Variants in PCDHGB5 observed in about 807,000 individuals in gnomAD.
PCDHGB5 encodes protocadherin gamma-B5.
Under a neutral mutation model 62.9 loss-of-function variants are expected in PCDHGB5, and 48 were observed. That is an observed-to-expected ratio of 0.76 (90% CI 0.61 to 0.97). PCDHGB5 has a LOEUF of 0.97. PCDHGB5 is among the 50% of genes least tolerant of loss of function. The pLI, the probability that PCDHGB5 is intolerant of heterozygous loss-of-function variation, is 0.00. For missense variants in PCDHGB5, 1,118 were observed against 1,198.6 expected (o/e 0.93, Z 0.99); for synonymous variants, 474 against 511.2 (o/e 0.93, Z 0.98).
At chr5:141,466,528 T>C (rs1171715691) in intron 1 of PCDHGB5, among the ~76,000 whole-genome samples, 1 of 152,204 alleles carries the variant, frequency 6.6e-6, no homozygotes, top group African/African-American at 2.4e-5. Context: ...TCCTCCCAAA[T>C]TGATGTAGAT....
chr5:141,511,320 A>G lies in PCDHGB5; in HGVS notation c.*147A>G. ...CATGCTCCCCTTGGGAAACAGAAAC[A>G]AGTGCCCAGTCAGCACCTACCCCTT... On this transcript the variant is annotated 3_prime_UTR_variant, in exon 4 of 4. Transcript: ENST00000617380. 6.8e-7 allele frequency: 1 copy of G among 1,475,678 alleles called. No homozygotes were observed. The highest frequency in any genetic ancestry group is 1.4e-5 in the South Asian group (1 of 72,746). 91.4% of individuals were successfully genotyped at this position (1,475,678 alleles called of 1,614,324 possible).
intron 1 of PCDHGB5, among the ~76,000 whole-genome samples, chr5:141,452,375 G>A (rs1239059045): frequency 2.0e-5 from 3 of 152,194 alleles, no homozygotes; most frequent in African/African-American, 7.2e-5. Context: ...TTTTAGTAGG[G>A]AATAGTATTT....
At chr5:141,420,672 G>T (rs1478670282) in intron 1 of PCDHGB5, among the ~76,000 whole-genome samples, 1 of 152,296 alleles carries the variant, frequency 6.6e-6, no homozygotes, top group African/African-American at 2.4e-5. Flanking sequence ...CCTACCTGAT[G>T]ATTTTATCGG....
At chr5:141,428,792 T>A (rs1590880161) in intron 1 of PCDHGB5, 1 of 152,978 alleles carries the variant, frequency 6.5e-6, no homozygotes, top group Middle Eastern at 3.4e-3. Flanking sequence ...TTCCTTTCTG[T>A]GTGGGCCAGT....
chr5:141,409,803 C>T (rs779815582), intron 1 of PCDHGB5: 3 of 1,611,528 alleles, frequency 1.9e-6, no homozygotes, highest in African/African-American at 1.3e-5. Flanking sequence ...ACGCTGCAGG[C>T]CCGCGACCAC....
At chr5:141,462,062 A>T (rs957948334) in intron 1 of PCDHGB5, among the ~76,000 whole-genome samples, 3 of 152,168 alleles carry the variant, frequency 2.0e-5, no homozygotes, top group African/African-American at 2.4e-5. Context: ...ACCTCAGGTG[A>T]TCTGCCCGCC....
At chr5:141,452,760 G>C (rs920853226) in intron 1 of PCDHGB5, among the ~76,000 whole-genome samples, 1 of 152,120 alleles carries the variant, frequency 6.6e-6, no homozygotes, top group African/African-American at 2.4e-5. Context: ...AAGGAAGGGA[G>C]GGAGGGAAAA....
Position 141,410,620 on chromosome 5 carries a change from G to A in PCDHGB5, c.2397+10096G>A, listed in dbSNP as rs765125633. 4 of 1,603,524 alleles carry A rather than the reference G, an allele frequency of 2.5e-6. No homozygotes were observed. In the South Asian group the frequency reaches 3.3e-5, roughly 13 times the overall value. On this transcript the variant is annotated intron_variant, in intron 1 of 3. Coordinates refer to ENST00000617380, the MANE Select transcript of PCDHGB5 (RefSeq NM_018925.3). The stretch of plus-strand genomic sequence containing the variant: ...CTTCACATCCTGAGACTCTGACTTC[G>A]GTGAGTTTCTCTTTTTTGTGTGTGA...
intron 1 of PCDHGB5, among the ~76,000 whole-genome samples, chr5:141,444,257 C>T (rs376980362): frequency 1.2e-4 from 18 of 147,512 alleles, no homozygotes; most frequent in East Asian, 6.0e-4. Context: ...CTGCAACCTC[C>T]GCCTCCCAGG....
rs544678317 is a variant in PCDHGB5, at chr5:141,430,911, A to C, written c.2397+30387A>C. The C allele has an allele frequency of 1.9e-5, 31 of 1,607,958 alleles. No homozygotes were observed. The Admixed American group carries it at 2.2e-4, about 11-fold the overall frequency. ...TCTAGGGTGGGCGACATCTCCAGGG[A>C]CCTGGGGCTGGAGCCCCGGGAGCTC... On this transcript the variant is annotated intron_variant, in intron 1 of 3. Transcript: ENST00000617380.
intron 1 of PCDHGB5, among the ~76,000 whole-genome samples, chr5:141,442,726 C>A (rs1160438073): frequency 2.6e-5 from 4 of 152,060 alleles, no homozygotes; most frequent in Non-Finnish European, 5.9e-5. Context: ...GCATTTGGGG[C>A]CTGTAGGTAA....
intron 1 of PCDHGB5, chr5:141,410,911 T>C (rs927103159): frequency 2.6e-5 from 7 of 267,884 alleles, no homozygotes; most frequent in African/African-American, 7.8e-5. Flanking sequence ...TGGAGTGCAG[T>C]GGCGTGATCT....
chr5:141,409,990 C>A (rs377295503), intron 1 of PCDHGB5: 26 of 1,613,278 alleles, frequency 1.6e-5, no homozygotes, highest in Non-Finnish European at 2.2e-5. Flanking sequence ...CGGTGGACGC[C>A]GACTCGGGAC....
chr5:141,466,375 C>A (rs2099121518), intron 1 of PCDHGB5, among the ~76,000 whole-genome samples: 1 of 152,042 alleles, frequency 6.6e-6, no homozygotes, highest in Non-Finnish European at 1.5e-5. Context: ...GGTTTTGGCA[C>A]CCATCTAATG....
intron 3 of PCDHGB5, among the ~76,000 whole-genome samples, chr5:141,509,952 C>T (rs954730777): frequency 7.2e-5 from 11 of 152,186 alleles, no homozygotes; most frequent in African/African-American, 2.2e-4. Flanking sequence ...CAAATGCTAC[C>T]GGGTATGGCC....
rs572459159 is a variant in PCDHGB5, at chr5:141,400,231, G to T, written c.2104G>T (p.Ala702Ser). Residue 702 changes from alanine (A) to serine (S), a missense_variant, in exon 1 of 4, where the codon GCC (alanine) becomes TCC (serine). Physicochemically the swap from Ala to Ser is moderately conservative, Grantham distance 99. Around this residue, in one of 2 missense-constraint regions of PCDHGB5, gnomAD observed 1,034 missense variants for 1,029.1 expected, o/e 1.00. Coordinates refer to ENST00000617380, the MANE Select transcript of PCDHGB5 (RefSeq NM_018925.3). ...CTTGATCTCAGTGCTCTTCCTCCTGGCCGTGATTCTGGCCGTTGCCTTGCG... is the reference window on the plus strand; with the variant it reads ...CTTGATCTCAGTGCTCTTCCTCCTGTCCGTGATTCTGGCCGTTGCCTTGCG... The part of the protein sequence containing the change: ...LALISVLFLL[A>S]VILAVALRLR... The T allele has an allele frequency of 3.8e-5, 62 of 1,613,870 alleles. No homozygotes were observed. The highest frequency in any genetic ancestry group is 5.1e-5 in the Non-Finnish European group (60 of 1,179,908).
intron 1 of PCDHGB5, among the ~76,000 whole-genome samples, chr5:141,426,065 G>C (rs1214623774): frequency 1.3e-5 from 2 of 152,184 alleles, no homozygotes; most frequent in East Asian, 3.8e-4. Flanking sequence ...GCAAGAACTG[G>C]AGCCTGGGAT....
chr5:141,403,697 G>A (rs1230785832), intron 1 of PCDHGB5: 5 of 1,613,830 alleles, frequency 3.1e-6, no homozygotes, highest in Admixed American at 1.7e-5. Context: ...GATTTACCGA[G>A]TTAAAGTCCT....
At chr5:141,430,837 C>G (rs1350348914) in intron 1 of PCDHGB5, 1 of 1,560,074 alleles carries the variant, frequency 6.4e-7, no homozygotes, top group Non-Finnish European at 8.6e-7. Context: ...TGTGGGAGAC[C>G]GGATGCACCC....
Sources: allele counts gnomAD v4.1 joint callset (sites outside exome capture counted in the v4.1 genomes callset), GRCh38; gene constraint gnomAD v4.1.1; regional missense constraint gnomAD v4.1.1; transcripts MANE v1.5; gene names NCBI Gene and HGNC (gene_info 2026-07-23, HGNC 2026-07-21).